The following ANKRD30A variants were observed in gnomAD, a reference collection of about 807,000 sequenced individuals.
ANKRD30A encodes the protein ankyrin repeat domain 30A.
In ANKRD30A, 170 loss-of-function variants were observed where a neutral mutation model predicts 166.3. The observed-to-expected ratio is 1.02, with a 90% confidence interval of 0.90 to 1.16. ANKRD30A has a LOEUF of 1.16. Among genes scored for constraint, ANKRD30A ranks in the 50% most tolerant of loss-of-function variants. ANKRD30A has a pLI of 0.00. For missense variants in ANKRD30A, 1,630 were observed against 1,518.0 expected, an observed-to-expected ratio of 1.07 and a Z score of -1.23; for synonymous variants, 564 against 508.9, an observed-to-expected ratio of 1.11 and a Z score of -1.46.
intron 15 of ANKRD30A, among the ~76,000 whole-genome samples, chr10:37,159,432 C>T (rs12769466): frequency 6.6e-6 from 1 of 152,026 alleles, no homozygotes; most frequent in Non-Finnish European, 1.5e-5. Flanking sequence ...GTGGGAGAAT[C>T]GCTTGAAACT....
intron 8 of ANKRD30A, among the ~76,000 whole-genome samples, chr10:37,145,314 C>G (rs1239611137): frequency 6.6e-6 from 1 of 151,980 alleles, no homozygotes; most frequent in Non-Finnish European, 1.5e-5. Flanking sequence ...CCTGTCTGTA[C>G]TAAAAATACA....
chr10:37,211,552 G>T (rs1194885887), intron 31 of ANKRD30A, among the ~76,000 whole-genome samples: 1 of 152,106 alleles, frequency 6.6e-6, no homozygotes, highest in Non-Finnish European at 1.5e-5. Flanking sequence ...ATTTGTGTTG[G>T]TTCCAAGTCT....
intron 1 of ANKRD30A, among the ~76,000 whole-genome samples, chr10:37,126,897 A>T (rs1354682400): frequency 1.3e-5 from 2 of 151,860 alleles, no homozygotes; most frequent in African/African-American, 2.4e-5. Flanking sequence ...AAATACAAAA[A>T]TTAGCCGGGC....
At chr10:37,194,199 A>T (rs1840857038) in intron 27 of ANKRD30A, among the ~76,000 whole-genome samples, 1 of 152,124 alleles carries the variant, frequency 6.6e-6, no homozygotes, top group Non-Finnish European at 1.5e-5. Flanking sequence ...GAAAAAGCAA[A>T]GAAATAAAAA....
chr10:37,257,322 T>C, the ANKRD30A span, among the ~76,000 whole-genome samples: 19 of 142,598 alleles, frequency 1.3e-4, no homozygotes, highest in African/African-American at 4.8e-4. Context: ...TCCATCTCTT[T>C]TGTTAATCTT....
the ANKRD30A span, among the ~76,000 whole-genome samples, chr10:37,253,188 C>T: frequency 1.3e-5 from 2 of 152,184 alleles, no homozygotes; most frequent in Non-Finnish European, 1.5e-5. Flanking sequence ...CCATGTCTAT[C>T]ATAGCCACTC....
chr10:37,158,170 T>G (rs1838527589), intron 13 of ANKRD30A, among the ~76,000 whole-genome samples: 1 of 151,846 alleles, frequency 6.6e-6, no homozygotes, highest in Non-Finnish European at 1.5e-5. Flanking sequence ...GTTGAAATCC[T>G]CACAGCATGT....
chr10:37,203,847 GACAA>G (rs1407519383), intron 31 of ANKRD30A, among the ~76,000 whole-genome samples: 2 of 152,242 alleles, frequency 1.3e-5, no homozygotes, highest in South Asian at 2.1e-4. Flanking sequence ...ACCAATAACA[GACAA>G]ACAGAGAACC....
At chr10:37,213,235 A>T (rs1293247833) in intron 31 of ANKRD30A, among the ~76,000 whole-genome samples, 1 of 151,874 alleles carries the variant, frequency 6.6e-6, no homozygotes, top group African/African-American at 2.4e-5. Flanking sequence ...TGCACAGTTC[A>T]AGATCAAGGT....
chr10:37,261,337 T>G, the ANKRD30A span, among the ~76,000 whole-genome samples: 1 of 152,184 alleles, frequency 6.6e-6, no homozygotes, highest in Non-Finnish European at 1.5e-5. Context: ...AACTGATAGA[T>G]TCCAGAAACT....
At chr10:37,132,521 A>G (rs527561443) in intron 4 of ANKRD30A, among the ~76,000 whole-genome samples, 175 bp downstream of exon 4, 3 of 152,228 alleles carry the variant, frequency 2.0e-5, no homozygotes, top group African/African-American at 2.4e-5. Context: ...AGAACAGTAT[A>G]TAGTAGGACT....
At chr10:37,183,765 C>G (rs1236462744) in intron 24 of ANKRD30A, among the ~76,000 whole-genome samples, 1 of 148,086 alleles carries the variant, frequency 6.8e-6, no homozygotes, top group Non-Finnish European at 1.5e-5. Context: ...GGTTGTAACT[C>G]CAGCAGTTTT....
At chr10:37,189,230 C>T (rs1339150270) in intron 24 of ANKRD30A, among the ~76,000 whole-genome samples, 5 of 60,304 alleles carry the variant, frequency 8.3e-5, no homozygotes, top group Non-Finnish European at 6.9e-5. Context: ...ATTTGTTTTT[C>T]CTGCTCAGTC....
Position 37,147,270 on chromosome 10 carries a change from C to T in ANKRD30A, c.1456-100C>T, listed in dbSNP as rs541864747. ...ATGTGCCTATCCTCAAATCAAATTGCCTTTGAAGTCAGAAATTGAGTTTAA... is the reference window on the plus strand; with the variant it reads ...ATGTGCCTATCCTCAAATCAAATTGTCTTTGAAGTCAGAAATTGAGTTTAA... On this transcript the variant is annotated intron_variant, in intron 8 of 35. Transcript: ENST00000361713. The T allele has an allele frequency of 7.4e-5, 67 of 904,806 alleles. No individual in the cohort carries two copies. The East Asian group carries it at 1.8e-3, about 25-fold the overall frequency. The allele number at this position is 904,806 out of a possible 1,614,324, so 56.0% of individuals were successfully genotyped here. A position where few individuals can be genotyped will look rare whatever the true frequency, so the allele number is the denominator to read the frequency against.
intron 14 of ANKRD30A, 34 bp from the exon 15 acceptor site, chr10:37,158,480 G>T: frequency 6.2e-7 from 1 of 1,613,192 alleles, no homozygotes; most frequent in Non-Finnish European, 8.5e-7. Context: ...AGTATACATT[G>T]TATATTAATT....
chr10:37,195,634 C>T lies in ANKRD30A; in HGVS notation c.2615-1647C>T, dbSNP rs532475528. Among the ~76,000 whole-genome samples, 68 of 152,280 alleles carry T rather than the reference C, an allele frequency of 4.5e-4. 1 individual carries two copies. The highest frequency in any genetic ancestry group is 1.3e-3 in the African/African-American group (55 of 41,530). On this transcript the variant is annotated intron_variant, in intron 27 of 35. Transcript: ENST00000361713. ...TGGTGACCGGGTGCGGTGGCTCACG[C>T]CTGTAATGCCAGCACGTTGGGAGGC...
At chr10:37,153,187 T>C (rs901029128) in intron 12 of ANKRD30A, among the ~76,000 whole-genome samples, 1 of 152,198 alleles carries the variant, frequency 6.6e-6, no homozygotes, top group Non-Finnish European at 1.5e-5. Flanking sequence ...ATGCTGTATG[T>C]GTCCTGGCAA....
In ANKRD30A at chr10:37,162,632, T is replaced by C. The variant is rs1406914552; in HGVS notation, c.1901-17T>C. The stretch of plus-strand genomic sequence containing the variant: ...ATATTTACATATGATTGATGATAAA[T>C]CTCTTTTGCTTTTTAGAGCCTCCGG... On this transcript the variant is annotated splice_polypyrimidine_tract_variant and intron_variant, in intron 15 of 35. Coordinates refer to ENST00000361713, the MANE Select transcript of ANKRD30A (RefSeq NM_052997.3). 8 of 1,611,952 alleles carry C rather than the reference T, an allele frequency of 5.0e-6. No individual in the cohort carries two copies. Among genetic ancestry groups the C allele is most frequent in the Admixed American group, 1.7e-5 (1 of 60,006 alleles).
chr10:37,131,745 T>A (rs557595625), intron 3 of ANKRD30A, among the ~76,000 whole-genome samples: 1 of 152,332 alleles, frequency 6.6e-6, no homozygotes, highest in African/African-American at 2.4e-5. Context: ...AAAGTTCAAG[T>A]CATTTATTGA....
Sources: gnomAD v4.1 joint callset for allele counts (sites outside exome capture counted in the v4.1 genomes callset) on GRCh38, gnomAD v4.1.1 for gene constraint, MANE v1.5 for transcripts, NCBI Gene and HGNC (gene_info 2026-07-23, HGNC 2026-07-21) for gene names.